SHISA6: variants seen among roughly 807,000 people sequenced by gnomAD.
SHISA6 encodes protein shisa-6.
Under a neutral mutation model 47.9 loss-of-function variants are expected in SHISA6, and 22 were observed. The observed-to-expected ratio is 0.46, with a 90% CI of 0.33 to 0.66. SHISA6 has a LOEUF of 0.66. Among genes scored for constraint, SHISA6 ranks in the 30% least tolerant of loss-of-function variants. The pLI is 0.02. For synonymous variants in SHISA6, 388 were observed against 337.8 expected (o/e 1.15, Z -1.63); for missense variants, 680 against 764.6 (o/e 0.89, Z 1.30).
chr17:11,553,526 C>T (rs946724846), intron 4 of SHISA6, among the ~76,000 whole-genome samples: 1 of 152,132 alleles, frequency 6.6e-6, no homozygotes, highest in Non-Finnish European at 1.5e-5. Flanking sequence ...TGGTCCCTGC[C>T]CTTGAGCAGC....
At chr17:11,554,191 C>T (rs893496201) in intron 4 of SHISA6, among the ~76,000 whole-genome samples, 1 of 152,178 alleles carries the variant, frequency 6.6e-6, no homozygotes, top group Non-Finnish European at 1.5e-5. Context: ...ATTACTCCCT[C>T]TGAGGAGCAG....
At chr17:11,449,220 C>A (rs2142303782) in intron 3 of SHISA6, among the ~76,000 whole-genome samples, 1 of 152,060 alleles carries the variant, frequency 6.6e-6, no homozygotes, top group African/African-American at 2.4e-5. Flanking sequence ...GGCAGGCACA[C>A]TGCCCGAGCT....
chr17:11,280,498 G>C (rs1437101862), intron 2 of SHISA6, among the ~76,000 whole-genome samples: 1 of 152,226 alleles, frequency 6.6e-6, no homozygotes, highest in Non-Finnish European at 1.5e-5. Context: ...GTACAGATGA[G>C]AATTGTATAT....
At chr17:11,384,910 G>A (rs938774746) in intron 3 of SHISA6, among the ~76,000 whole-genome samples, 1 of 152,166 alleles carries the variant, frequency 6.6e-6, no homozygotes, top group Non-Finnish European at 1.5e-5. Context: ...TACAGTGATC[G>A]CTCTGTTGTA....
chr17:11,360,214 G>A (rs113598186), intron 2 of SHISA6, among the ~76,000 whole-genome samples: 3 of 152,268 alleles, frequency 2.0e-5, no homozygotes, highest in African/African-American at 7.2e-5. Context: ...ACTAATACGG[G>A]AACAGAAAAC....
rs2072002893 is a variant in SHISA6 at position 11,558,228 on chromosome 17, A to G, written c.1580A>G (p.Asn527Ser). 1.3e-6 allele frequency: 2 copies of G among 1,541,060 alleles called. No individual in the cohort carries two copies. The highest frequency in any genetic ancestry group is 2.7e-5 in the African/African-American group (2 of 73,038). ...KRHAFASRRHNTVEQLHYIPG... is the reference protein window; with the variant it reads ...KRHAFASRRHSTVEQLHYIPG... ...CATGCCTTTGCCTCACGCAGACACA[A>G]CACGGTGGAGCAGCTGCACTACATC... Residue 527 changes from asparagine to serine, a missense_variant, in exon 6 of 6, where the codon AAC becomes AGC. Physicochemically the swap from Asn to Ser is conservative, Grantham distance 46. Around this residue, in one of 2 missense-constraint regions of SHISA6, gnomAD observed 559 missense variants for 674.1 expected, o/e 0.83. Coordinates refer to ENST00000441885, the MANE Select transcript of SHISA6 (RefSeq NM_207386.4).
intron 3 of SHISA6, among the ~76,000 whole-genome samples, chr17:11,551,219 G>A (rs1597582737): frequency 6.6e-6 from 1 of 152,316 alleles, no homozygotes; most frequent in Admixed American, 6.5e-5. Context: ...GGAACGCCTT[G>A]AACTTCAGGG....
intron 3 of SHISA6, among the ~76,000 whole-genome samples, chr17:11,407,448 G>T (rs1913996793): frequency 6.6e-6 from 1 of 151,738 alleles, no homozygotes; most frequent in Non-Finnish European, 1.5e-5. Flanking sequence ...GACCATCAGG[G>T]TTCTCTATCT....
At chr17:11,484,689 A>G (rs1195714066) in intron 3 of SHISA6, among the ~76,000 whole-genome samples, 2 of 152,142 alleles carry the variant, frequency 1.3e-5, no homozygotes, top group Non-Finnish European at 2.9e-5. Context: ...GTGAGCCATC[A>G]CACCCAGCCT....
Position 11,558,298 on chromosome 17 carries a change from C to T in SHISA6, c.1650C>T (p.Thr550=), listed in dbSNP as rs919386586. Reference sequence around the variant, plus strand: ...ACACAGCCAGCAAGACCGAAGTGACCGTGTGACCGGCGGGGCAGGGCCGGG... The same window carrying T: ...ACACAGCCAGCAAGACCGAAGTGACTGTGTGACCGGCGGGGCAGGGCCGGG... ...TCYTASKTEV[T]V is the part of the protein sequence containing the mutation. Residue 550 remains threonine, a synonymous_variant, in exon 6 of 6, where the codon ACC becomes ACT. Transcript: ENST00000441885. 3.5e-5 allele frequency: 54 copies of T among 1,537,688 alleles called. No individual in the cohort carries two copies. Among genetic ancestry groups the T allele is most frequent in the Middle Eastern group, 3.3e-4 (2 of 5,984 alleles).
chr17:11,335,200 G>GCC (rs1911277729), intron 2 of SHISA6, among the ~76,000 whole-genome samples: 1 of 152,190 alleles, frequency 6.6e-6, no homozygotes, highest in Non-Finnish European at 1.5e-5. Flanking sequence ...GCACAGATCT[G>GCC]CCCAGCTCTC....
chr17:11,344,424 C>T (rs1184826203), intron 2 of SHISA6, among the ~76,000 whole-genome samples: 2 of 152,134 alleles, frequency 1.3e-5, no homozygotes, highest in Non-Finnish European at 2.9e-5. Flanking sequence ...CTAAGATTTA[C>T]TCCTATATCT....
At chr17:11,459,434 A>G (rs993597613) in intron 3 of SHISA6, among the ~76,000 whole-genome samples, 1 of 152,132 alleles carries the variant, frequency 6.6e-6, no homozygotes, top group African/African-American at 2.4e-5. Context: ...CTGCTAGACC[A>G]TGAGCTGTAT....
chr17:11,495,572 A>G (rs2071401314), intron 3 of SHISA6, among the ~76,000 whole-genome samples: 1 of 152,170 alleles, frequency 6.6e-6, no homozygotes, highest in African/African-American at 2.4e-5. Flanking sequence ...CCCTGTGTCC[A>G]GGGTTTCTTT....
chr17:11,393,892 G>C (rs1406217469), intron 3 of SHISA6, among the ~76,000 whole-genome samples: 4 of 152,176 alleles, frequency 2.6e-5, no homozygotes, highest in Non-Finnish European at 5.9e-5. Context: ...TGCACAGGCT[G>C]TTCTTCTGTC....
chr17:11,544,002 G>C (rs1432221269), intron 3 of SHISA6, among the ~76,000 whole-genome samples: 1 of 147,080 alleles, frequency 6.8e-6, no homozygotes. Context: ...ATTTACAATT[G>C]GATATTCATA....
intron 2 of SHISA6, among the ~76,000 whole-genome samples, chr17:11,322,442 G>A (rs1421656519): frequency 6.6e-6 from 1 of 152,022 alleles, no homozygotes; most frequent in Non-Finnish European, 1.5e-5. Context: ...GTATTTATCT[G>A]AAAACATCTC....
At chr17:11,530,050 G>A (rs531962041) in intron 3 of SHISA6, among the ~76,000 whole-genome samples, 6 of 152,066 alleles carry the variant, frequency 3.9e-5, no homozygotes, top group Non-Finnish European at 8.8e-5. Context: ...CAGGGTGAGG[G>A]GAAATGGGCA....
At chr17:11,292,704 A>G (rs1909595766) in intron 2 of SHISA6, among the ~76,000 whole-genome samples, 1 of 151,992 alleles carries the variant, frequency 6.6e-6, no homozygotes, top group African/African-American at 2.4e-5. Context: ...GGGTGCAGAA[A>G]GCAAGGAGAC....
Sources: allele counts gnomAD v4.1 joint callset (sites outside exome capture counted in the v4.1 genomes callset), GRCh38; gene constraint gnomAD v4.1.1; regional missense constraint gnomAD v4.1.1; transcripts MANE v1.5; gene names NCBI Gene and HGNC (gene_info 2026-07-23, HGNC 2026-07-21).